Variants in PDZD8 observed in about 807,000 individuals in gnomAD.
PDZD8 encodes PDZ domain containing 8, also known as PDZ domain-containing protein 8.
In PDZD8, 14 loss-of-function variants were observed where a neutral mutation model predicts 85.8. That is an observed-to-expected ratio of 0.16 (90% CI 0.11 to 0.26). The LOEUF (loss-of-function observed/expected upper bound fraction) is 0.26, where lower values mean the gene tolerates loss of function less well. Ranked by LOEUF, PDZD8 falls within the 10% of genes least tolerant of loss-of-function variation. The pLI is 1.00. For synonymous variants in PDZD8, 592 were observed against 568.6 expected (o/e 1.04, Z -0.59); for missense variants, 1,197 against 1,424.3 (o/e 0.84, Z 2.57).
chr10:117,315,609 A>C lies in PDZD8; in HGVS notation c.1098+3263T>G, dbSNP rs113899691. ...TCTCAAAAAAAAAAAAAAAAAAAAAAAAACAATAATCTATTTTGTGTCTGG... is the reference window on the plus strand; with the variant it reads ...TCTCAAAAAAAAAAAAAAAAAAAAACAAACAATAATCTATTTTGTGTCTGG... On this transcript the variant is annotated intron_variant, in intron 3 of 4. Coordinates refer to ENST00000334464, the MANE Select transcript of PDZD8 (RefSeq NM_173791.5). Among the ~76,000 whole-genome samples the C allele has an allele frequency of 2.7e-4, 39 of 147,148 alleles. 1 individual carries two copies. Among genetic ancestry groups the C allele is most frequent in the East Asian group, 8.1e-4 (4 of 4,908 alleles).
intron 3 of PDZD8, among the ~76,000 whole-genome samples, chr10:117,303,479 G>A (rs1476319152): frequency 6.6e-6 from 1 of 152,202 alleles, no homozygotes; most frequent in Non-Finnish European, 1.5e-5. Flanking sequence ...CTGACTATGC[G>A]ATAGAAAAGA....
intron 3 of PDZD8, among the ~76,000 whole-genome samples, chr10:117,292,417 G>A (rs1168148829): frequency 6.6e-6 from 1 of 151,986 alleles, no homozygotes; most frequent in South Asian, 2.1e-4. Context: ...TCAAATCCAG[G>A]AACATAAATA....
At chr10:117,341,835 G>T (rs1271786501) in intron 1 of PDZD8, among the ~76,000 whole-genome samples, 1 of 152,216 alleles carries the variant, frequency 6.6e-6, no homozygotes, top group Non-Finnish European at 1.5e-5. Flanking sequence ...ACAGTGATTA[G>T]TACATGATAA....
rs112664854 is a variant in PDZD8, at chr10:117,347,175, C to T, written c.873-6073G>A. On this transcript the variant is annotated intron_variant, in intron 1 of 4. Coordinates refer to ENST00000334464, the MANE Select transcript of PDZD8 (RefSeq NM_173791.5). ...CATTAACATCAACACAGATGCGGGA[C>T]AGGCCTCATTATACCCCGCCAGCAT... 3.8e-3 allele frequency among the ~76,000 whole-genome samples: 585 copies of T among 151,964 alleles called. 4 individuals are homozygous for T. Among genetic ancestry groups the T allele is most frequent in the African/African-American group, 0.013 (554 of 41,432 alleles).
At chr10:117,367,884 C>T (rs1257066669) in intron 1 of PDZD8, among the ~76,000 whole-genome samples, 1 of 151,990 alleles carries the variant, frequency 6.6e-6, no homozygotes, top group East Asian at 1.9e-4. Context: ...CATGCACCTG[C>T]ACTCCAGCCT....
Position 117,283,755 on chromosome 10 carries a change from C to T in PDZD8, c.2978G>A (p.Arg993Gln), listed in dbSNP as rs115994412. 1.5e-4 allele frequency: 243 copies of T among 1,614,160 alleles called. 1 individual carries two copies. Among genetic ancestry groups the T allele is most frequent in the Middle Eastern group, 6.6e-4 (4 of 6,062 alleles). The change falls in exon 5 of 5, where the codon CGG (arginine) becomes CAG (glutamine). Residue 993 changes from arginine (R) to glutamine (Q), a missense_variant. Arg to Gln is a conservative substitution (Grantham distance 43). Around this residue, in one of 4 missense-constraint regions of PDZD8, gnomAD observed 418 missense variants for 571.1 expected, o/e 0.73. Coordinates refer to ENST00000334464, the MANE Select transcript of PDZD8 (RefSeq NM_173791.5). ...TAACTTTATTCCTGTGCTGTTTCCC[C>T]GTTTAGAAGGACTGTTTGGACCACA... ...EVCGPNSPSK[R>Q]GNSTGIKLVR...
At position 117,278,069 on chromosome 10, in the gene PDZD8, T is replaced by A. The variant is rs1844524531; in HGVS notation, c.*5199A>T. The A allele has an allele frequency of 1.3e-5, 2 of 152,148 alleles. No homozygotes were observed. The highest frequency in any genetic ancestry group is 2.4e-5 in the African/African-American group (1 of 41,446). The allele number at this position is 152,148 out of a possible 1,614,324, so 9.4% of individuals were successfully genotyped here. A position where few individuals can be genotyped will look rare whatever the true frequency, so the allele number is the denominator to read the frequency against. Reference sequence around the variant, plus strand: ...CTTACTGGATGAAGAAAATTGAGGGTACATGTACCTTATACTGTCAAGGTT... The same window carrying A: ...CTTACTGGATGAAGAAAATTGAGGGAACATGTACCTTATACTGTCAAGGTT... On this transcript the variant is annotated 3_prime_UTR_variant, in exon 5 of 5. Transcript: ENST00000334464.
chr10:117,289,062 A>G (rs893169278), intron 4 of PDZD8, among the ~76,000 whole-genome samples: 5 of 152,182 alleles, frequency 3.3e-5, no homozygotes, highest in African/African-American at 4.8e-5. Flanking sequence ...ATGCATAAGC[A>G]TCATCATTTG....
At chr10:117,366,226 A>G (rs1334517287) in intron 1 of PDZD8, among the ~76,000 whole-genome samples, 4 of 152,196 alleles carry the variant, frequency 2.6e-5, no homozygotes, top group Non-Finnish European at 1.5e-5. Flanking sequence ...TACGGTAACA[A>G]AGTTGTATAC....
chr10:117,303,431 A>C (rs1843881336), intron 3 of PDZD8, among the ~76,000 whole-genome samples: 1 of 152,212 alleles, frequency 6.6e-6, no homozygotes, highest in South Asian at 2.1e-4. Context: ...TTGGTTTTAT[A>C]AGGGAAACAG....
intron 1 of PDZD8, among the ~76,000 whole-genome samples, chr10:117,349,755 A>G (rs1844771725): frequency 6.6e-6 from 1 of 152,208 alleles, no homozygotes; most frequent in African/African-American, 2.4e-5. Context: ...GTGAGCTGAG[A>G]TCACAACACC....
Position 117,284,458 on chromosome 10 carries a change from C to T in PDZD8, c.2275G>A (p.Ala759Thr), listed in dbSNP as rs777238857. ...GTGACTATAGCCTTAGGTGAGGGGG[C>T]TTCCAGTCTCAATTTGGAAAGGTAT... Reference protein sequence around the residue: ...TEYLSKLRLEAPSPKAIVTRT... With the variant: ...TEYLSKLRLETPSPKAIVTRT... The change falls in exon 5 of 5, where the codon GCC (alanine) becomes ACC (threonine). Residue 759 changes from alanine (A) to threonine (T), a missense_variant. Around this residue, in one of 4 missense-constraint regions of PDZD8, gnomAD observed 418 missense variants for 571.1 expected, o/e 0.73. Coordinates refer to ENST00000334464, the MANE Select transcript of PDZD8 (RefSeq NM_173791.5). 1.9e-6 allele frequency: 3 copies of T among 1,614,118 alleles called. No individual in the cohort carries two copies. In the South Asian group the frequency reaches 3.3e-5, roughly 18 times the overall value.
chr10:117,342,792 CAATT>C (rs1170728463), intron 1 of PDZD8, among the ~76,000 whole-genome samples: 2 of 152,166 alleles, frequency 1.3e-5, no homozygotes, highest in Non-Finnish European at 2.9e-5. Flanking sequence ...ACCCAGCCCA[CAATT>C]AATCTTTCTA....
chr10:117,369,518 A>C (rs920873704), intron 1 of PDZD8, among the ~76,000 whole-genome samples: 12 of 152,276 alleles, frequency 7.9e-5, no homozygotes, highest in Admixed American at 3.9e-4. Context: ...ATGTAATTAA[A>C]AGAAGGATAA....
At chr10:117,343,086 G>A (rs912891637) in intron 1 of PDZD8, among the ~76,000 whole-genome samples, 3 of 151,984 alleles carry the variant, frequency 2.0e-5, no homozygotes, top group Non-Finnish European at 2.9e-5. Flanking sequence ...CATACCTGAC[G>A]GGATGTTTCA....
rs1026044302 is a variant in PDZD8 at position 117,317,398 on chromosome 10, G to A, written c.1098+1474C>T. On this transcript the variant is annotated intron_variant, in intron 3 of 4. Coordinates refer to ENST00000334464, the MANE Select transcript of PDZD8 (RefSeq NM_173791.5). ...CTAGGAATATTAAATTCAGACATTC[G>A]TAATTTAATGCCTGTAGACACTTTG... Among the ~76,000 whole-genome samples the A allele has an allele frequency of 1.9e-4, 22 of 118,372 alleles. 1 individual carries two copies. In the East Asian group the frequency reaches 2.2e-3, roughly 12 times the overall value. 77.7% of individuals were successfully genotyped at this position (118,372 alleles called of 152,430 possible).
Position 117,283,265 on chromosome 10 carries a change from C to A in PDZD8, c.*3G>T. 4 of 1,605,032 alleles carry A rather than the reference C, an allele frequency of 2.5e-6. No individual in the cohort carries two copies. The highest frequency in any genetic ancestry group is 3.4e-6 in the Non-Finnish European group (4 of 1,176,726). ...CATTTGAAAGCTTAAATAGACCTGT[C>A]TGCTACACAGACTCGGATGGGCCAA... is the stretch of plus-strand genomic sequence containing the variant. On this transcript the variant is annotated 3_prime_UTR_variant, in exon 5 of 5. Coordinates refer to ENST00000334464, the MANE Select transcript of PDZD8 (RefSeq NM_173791.5).
intron 1 of PDZD8, among the ~76,000 whole-genome samples, chr10:117,370,432 C>T (rs1339045902): frequency 6.6e-6 from 1 of 152,170 alleles, no homozygotes; most frequent in Non-Finnish European, 1.5e-5. Context: ...GAAGTAATAA[C>T]AACGTTAACT....
rs543747590 is a variant in PDZD8 at position 117,353,185 on chromosome 10, G to GT, written c.873-12084dup. ...AAATTTACTTTAGATATCTAAAACA[G>GT]TACCTCTTGTCTTCCAAACTATTTT... is the stretch of plus-strand genomic sequence containing the variant. On this transcript the variant is annotated intron_variant, in intron 1 of 4. Coordinates refer to ENST00000334464, the MANE Select transcript of PDZD8 (RefSeq NM_173791.5). 2.0e-5 allele frequency among the ~76,000 whole-genome samples: 3 copies of GT among 152,122 alleles called. No homozygotes were observed. The East Asian group carries it at 5.8e-4, about 29-fold the overall frequency.
Sources: allele counts gnomAD v4.1 joint callset (sites outside exome capture counted in the v4.1 genomes callset), GRCh38; gene constraint gnomAD v4.1.1; regional missense constraint gnomAD v4.1.1; transcripts MANE v1.5; gene names NCBI Gene and HGNC (gene_info 2026-07-23, HGNC 2026-07-21).